TUBE1: variants seen among roughly 807,000 people sequenced by gnomAD.
TUBE1 encodes the protein tubulin epsilon 1.
TUBE1 carries 34 observed loss-of-function variants against 53.5 expected under a neutral mutation model. The ratio of observed to expected loss-of-function variants is 0.64; its 90% CI spans 0.48 to 0.85. The LOEUF (loss-of-function observed/expected upper bound fraction) is 0.85, where lower values mean the gene tolerates loss of function less well. TUBE1 is among the 40% of genes least tolerant of loss of function. The probability of loss-of-function intolerance (pLI) is 0.00; values close to 1 mark genes in which losing one functional copy is unlikely to be tolerated. For missense variants in TUBE1, 532 were observed against 570.5 expected (o/e 0.93, Z 0.69); for synonymous variants, 177 against 198.4 (o/e 0.89, Z 0.91).
intron 3 of TUBE1, among the ~76,000 whole-genome samples, chr6:112,084,514 A>C (rs1287326089): frequency 2.6e-5 from 4 of 152,200 alleles, no homozygotes; most frequent in Non-Finnish European, 4.4e-5. Context: ...TATTCTGGGA[A>C]GCTTTTAAAG....
intron 9 of TUBE1, among the ~76,000 whole-genome samples, chr6:112,074,463 C>A (rs1470164232): frequency 2.0e-5 from 3 of 152,076 alleles, no homozygotes; most frequent in African/African-American, 7.3e-5. Context: ...TGTCAGACTT[C>A]AAAGGACTTT....
Position 112,072,908 on chromosome 6 carries a change from T to C in TUBE1, c.954-10A>G. On this transcript the variant is annotated splice_polypyrimidine_tract_variant and intron_variant, in intron 9 of 11. Coordinates refer to ENST00000368662, the MANE Select transcript of TUBE1 (RefSeq NM_016262.5). ...AAACATCTGATCCAATCTGCAACAA[T>C]GAAATTGTCATTGTTTATACAAAAT... The C allele has an allele frequency of 6.2e-7, 1 of 1,611,706 alleles. No individual in the cohort carries two copies. The highest frequency in any genetic ancestry group is 1.1e-5 in the South Asian group (1 of 90,848).
At chr6:112,085,808 C>T in intron 3 of TUBE1, 1 of 445,742 alleles carries the variant, frequency 2.2e-6, no homozygotes, top group Non-Finnish European at 4.6e-6. Flanking sequence ...CCTGGCTGTA[C>T]TGGAGAGCAC....
rs1776873812 is a variant in TUBE1, at chr6:112,071,949, T to A, written c.1222A>T (p.Thr408Ser). Residue 408 changes from threonine (T) to serine (S), a missense_variant, in exon 11 of 12, where the codon ACC becomes TCC. Coordinates refer to ENST00000368662, the MANE Select transcript of TUBE1 (RefSeq NM_016262.5). The part of the protein sequence containing the change: ...ALANNTCVKP[T>S]FMELKERFMR... ...AATCTCTCTTTCAGTTCCATGAAGG[T>A]GGGCTTCACACATGTGTTATTTGCT... The A allele has an allele frequency of 3.1e-6, 5 of 1,611,324 alleles. No individual in the cohort carries two copies. Among genetic ancestry groups the A allele is most frequent in the Non-Finnish European group, 4.2e-6 (5 of 1,179,216 alleles).
chr6:112,082,900 A>G (rs1208095055), intron 4 of TUBE1, among the ~76,000 whole-genome samples: 1 of 152,164 alleles, frequency 6.6e-6, no homozygotes, highest in Admixed American at 6.5e-5. Context: ...GATCACAACC[A>G]CATAATACCA....
intron 2 of TUBE1, 23 bp downstream of exon 2, chr6:112,087,210 G>A: frequency 2.6e-6 from 4 of 1,548,714 alleles, no homozygotes; most frequent in South Asian, 1.2e-5. Context: ...CAGGCGAGGG[G>A]GCTCGCGGCG....
At chr6:112,073,030 T>C (rs991267058) in intron 9 of TUBE1, 132 bp from the exon 10 acceptor site, 5 of 527,890 alleles carry the variant, frequency 9.5e-6, no homozygotes, top group Admixed American at 4.1e-5. Context: ...AGATTATATA[T>C]ATTCTAAAAA....
intron 6 of TUBE1, 196 bp downstream of exon 6, chr6:112,079,437 G>T: frequency 1.1e-4 from 37 of 331,930 alleles, no homozygotes; most frequent in East Asian, 2.0e-4. Context: ...AAAAAAAAAA[G>T]AAAAGAAAAG....
chr6:112,080,387 G>A (rs1777051650), intron 5 of TUBE1, among the ~76,000 whole-genome samples: 1 of 152,016 alleles, frequency 6.6e-6, no homozygotes, highest in East Asian at 1.9e-4. Flanking sequence ...TACATAATAA[G>A]TTATACAACA....
intron 6 of TUBE1, 68 bp from the exon 7 acceptor site, chr6:112,076,577 C>A: frequency 7.1e-7 from 1 of 1,417,342 alleles, no homozygotes; most frequent in Non-Finnish European, 9.4e-7. Flanking sequence ...GAATTTGAAA[C>A]TTTATTTTTT....
At chr6:112,072,162 C>A (rs1776879691) in intron 10 of TUBE1, 86 bp from the exon 11 acceptor site, 2 of 1,001,944 alleles carry the variant, frequency 2.0e-6, no homozygotes, top group Admixed American at 2.6e-5. Context: ...ATTAGTTAAA[C>A]CAGAACATTA....
intron 4 of TUBE1, among the ~76,000 whole-genome samples, chr6:112,081,990 C>T (rs1443933128): frequency 6.6e-6 from 1 of 151,964 alleles, no homozygotes; most frequent in Non-Finnish European, 1.5e-5. Flanking sequence ...GAAACAAATT[C>T]TTAGGGTACA....
chr6:112,086,476 T>A, intron 3 of TUBE1, 80 bp downstream of exon 3: 1 of 1,065,728 alleles, frequency 9.4e-7, no homozygotes. Flanking sequence ...CTGGCTATTT[T>A]TATTGTCCTT....
At chr6:112,071,863 A>C in intron 11 of TUBE1, 39 bp downstream of exon 11, 1 of 1,543,504 alleles carries the variant, frequency 6.5e-7, no homozygotes, top group Non-Finnish European at 8.7e-7. Flanking sequence ...TAAATAGCCA[A>C]AATAAACACA....
At position 112,079,667 on chromosome 6, in the gene TUBE1, C is replaced by T. The variant is rs1442346427; in HGVS notation, c.414G>A (p.Leu138=). Reference sequence around the variant, plus strand: ...TGGAATGTATTATAAAGAAACACTGCAAGCAATCACAGTGCTCTGCCGACT... The same window carrying T: ...TGGAATGTATTATAAAGAAACACTGTAAGCAATCACAGTGCTCTGCCGACT... ...FRKSAEHCDC[L]QCFFIIHSMG... The change falls in exon 6 of 12, where the codon TTG becomes TTA. Residue 138 remains leucine, a synonymous_variant. Coordinates refer to ENST00000368662, the MANE Select transcript of TUBE1 (RefSeq NM_016262.5). The T allele has an allele frequency of 2.0e-5, 33 of 1,612,034 alleles. No homozygotes were observed. Among genetic ancestry groups the T allele is most frequent in the Non-Finnish European group, 2.8e-5 (33 of 1,178,952 alleles).
chr6:112,072,670 A>G, intron 10 of TUBE1, 88 bp downstream of exon 10: 3 of 1,418,526 alleles, frequency 2.1e-6, no homozygotes, highest in Non-Finnish European at 2.9e-6. Flanking sequence ...TGGCACTGCT[A>G]GAATTTGAAG....
chr6:112,071,341 C>T lies in TUBE1; in HGVS notation c.*71G>A, dbSNP rs1034354666. 12 of 1,360,680 alleles carry T rather than the reference C, an allele frequency of 8.8e-6. No homozygotes were observed. The highest frequency in any genetic ancestry group is 1.2e-5 in the Non-Finnish European group (12 of 1,036,620). The allele number at this position is 1,360,680 out of a possible 1,614,324, so 84.3% of individuals were successfully genotyped here. A position where few individuals can be genotyped will look rare whatever the true frequency, so the allele number is the denominator to read the frequency against. On this transcript the variant is annotated 3_prime_UTR_variant, in exon 12 of 12. Coordinates refer to ENST00000368662, the MANE Select transcript of TUBE1 (RefSeq NM_016262.5). ...TGAAAAAACTGGAGTTTCCAAATTA[C>T]AAAAATGTTGAAACAGAAAGGTCAG... is the stretch of plus-strand genomic sequence containing the variant.
chr6:112,087,073 G>A (rs942588515), intron 2 of TUBE1, 160 bp downstream of exon 2: 3 of 662,114 alleles, frequency 4.5e-6, no homozygotes, highest in Non-Finnish European at 7.7e-6. Flanking sequence ...TTAGTTTAGT[G>A]TGTGTCTGAC....
Position 112,081,284 on chromosome 6 carries a change from C to A in TUBE1, c.211-77G>T. The A allele has an allele frequency of 8.4e-6, 6 of 717,202 alleles. No homozygotes were observed. The South Asian group carries it at 9.2e-5, about 11-fold the overall frequency. The allele number at this position is 717,202 out of a possible 1,614,324, so 44.4% of individuals were successfully genotyped here. On this transcript the variant is annotated intron_variant, in intron 4 of 11. Coordinates refer to ENST00000368662, the MANE Select transcript of TUBE1 (RefSeq NM_016262.5). Reference sequence around the variant, plus strand: ...ACTCTGTAAATGAAAAGAATTTATGCGCTGAATATTGCACTGTTCTCTTTA... The same window carrying A: ...ACTCTGTAAATGAAAAGAATTTATGAGCTGAATATTGCACTGTTCTCTTTA...
Sources: allele counts gnomAD v4.1 joint callset (sites outside exome capture counted in the v4.1 genomes callset), GRCh38; gene constraint gnomAD v4.1.1; transcripts MANE v1.5; gene names NCBI Gene and HGNC (gene_info 2026-07-23, HGNC 2026-07-21).